The following ENTREP1 variants were observed in gnomAD, a reference collection of about 807,000 sequenced individuals.
The protein encoded by ENTREP1 is Friedreich ataxia region gene X123.
At chr9:69,349,099 G>A in the ENTREP1 span, among the ~76,000 whole-genome samples, 83 of 150,670 alleles carry the variant, frequency 5.5e-4, 5 homozygotes, top group South Asian at 0.016. Flanking sequence ...CAGGGGAATC[G>A]CTTGAACCCA....
the ENTREP1 span, chr9:69,388,250 G>A: frequency 6.2e-7 from 1 of 1,614,186 alleles, no homozygotes; most frequent in South Asian, 1.1e-5. Flanking sequence ...GAGATCTAGA[G>A]CTTCGCGATG....
the ENTREP1 span, chr9:69,383,758 A>C: frequency 6.2e-7 from 1 of 1,614,182 alleles, no homozygotes; most frequent in Non-Finnish European, 8.5e-7. Context: ...GACCAGGAGC[A>C]GGTACTGTCT....
chr9:69,340,437 G>T, the ENTREP1 span, among the ~76,000 whole-genome samples: 1 of 152,108 alleles, frequency 6.6e-6, no homozygotes, highest in Admixed American at 6.6e-5. Context: ...AAGTTTTCAC[G>T]GAAATTCAGG....
the ENTREP1 span, among the ~76,000 whole-genome samples, chr9:69,370,112 T>G: frequency 7.2e-5 from 11 of 152,308 alleles, no homozygotes; most frequent in East Asian, 2.1e-3. Context: ...CATTTTATAG[T>G]TGATAATGTT....
the ENTREP1 span, among the ~76,000 whole-genome samples, chr9:69,356,348 A>G: frequency 1.3e-5 from 2 of 152,324 alleles, no homozygotes; most frequent in Admixed American, 6.5e-5. Flanking sequence ...ATGAGATTCC[A>G]TGGTATGTAC....
chr9:69,339,853 C>G, the ENTREP1 span, among the ~76,000 whole-genome samples: 1 of 152,232 alleles, frequency 6.6e-6, no homozygotes, highest in African/African-American at 2.4e-5. Flanking sequence ...CCTGACCACT[C>G]TGATTGCTGT....
chr9:69,357,966 C>G, the ENTREP1 span, among the ~76,000 whole-genome samples: 1 of 152,150 alleles, frequency 6.6e-6, no homozygotes, highest in African/African-American at 2.4e-5. Context: ...GTTACGTTAA[C>G]TGTCACGGGT....
the ENTREP1 span, among the ~76,000 whole-genome samples, chr9:69,342,825 A>C: frequency 6.6e-6 from 1 of 152,258 alleles, no homozygotes. Flanking sequence ...GGCTGGGTTC[A>C]GGCTTCTCTG....
chr9:69,356,668 C>A, the ENTREP1 span, among the ~76,000 whole-genome samples: 3 of 152,208 alleles, frequency 2.0e-5, no homozygotes, highest in South Asian at 6.2e-4. Context: ...TTACAACGAA[C>A]TTTCTGCTGC....
chr9:69,377,670 T>C, the ENTREP1 span: 5 of 1,614,148 alleles, frequency 3.1e-6, no homozygotes, highest in Non-Finnish European at 4.2e-6. Flanking sequence ...CCGACCCTGA[T>C]GATTTTGTGC....
chr9:69,333,312 A>AT, the ENTREP1 span, among the ~76,000 whole-genome samples: 3 of 151,320 alleles, frequency 2.0e-5, no homozygotes, highest in Non-Finnish European at 2.9e-5. Flanking sequence ...TTTTAATAAT[A>AT]TTATTATTTT....
At chr9:69,354,254 ATTTT>A in the ENTREP1 span, among the ~76,000 whole-genome samples, 218 of 105,636 alleles carry the variant, frequency 2.1e-3, 1 homozygote, top group African/African-American at 8.0e-3. Flanking sequence ...CTATTGCAAC[ATTTT>A]TTTTTTTTTT....
the ENTREP1 span, among the ~76,000 whole-genome samples, chr9:69,374,562 T>A: frequency 2.6e-3 from 395 of 152,296 alleles, 3 homozygotes; most frequent in Admixed American, 5.5e-3. Context: ...TTTAAAGTTG[T>A]GCCAGTCTGA....
the ENTREP1 span, chr9:69,371,641 A>C: frequency 7.2e-7 from 1 of 1,393,104 alleles, no homozygotes; most frequent in Non-Finnish European, 1.0e-6. Context: ...CTGTGCATCT[A>C]GGCAGACCCT....
the ENTREP1 span, among the ~76,000 whole-genome samples, chr9:69,361,349 T>C: frequency 6.6e-6 from 1 of 152,296 alleles, no homozygotes; most frequent in East Asian, 1.9e-4. Context: ...GTTATTTTTA[T>C]GTGTTCTAGA....
chr9:69,388,046 A>G, the ENTREP1 span: 2 of 1,594,304 alleles, frequency 1.3e-6, no homozygotes, highest in Middle Eastern at 1.7e-4. Flanking sequence ...CATGGCTATC[A>G]GCATTTGTCA....
the ENTREP1 span, chr9:69,391,516 AG>A: frequency 9.2e-7 from 1 of 1,089,994 alleles, no homozygotes; most frequent in South Asian, 1.3e-5. Flanking sequence ...ACATTAAGAT[AG>A]GTGGATGGAC....
the ENTREP1 span, among the ~76,000 whole-genome samples, chr9:69,336,687 T>C: frequency 3.3e-5 from 5 of 152,120 alleles, no homozygotes; most frequent in African/African-American, 9.7e-5. Flanking sequence ...TCTCATATTC[T>C]TTTTTCTCTA....
the ENTREP1 span, among the ~76,000 whole-genome samples, chr9:69,389,462 G>GGAAT: frequency 6.6e-6 from 1 of 152,190 alleles, no homozygotes; most frequent in Non-Finnish European, 1.5e-5. Flanking sequence ...TCAGCGGGGA[G>GGAAT]GAATGATCTG....
Sources: allele counts gnomAD v4.1 joint callset (sites outside exome capture counted in the v4.1 genomes callset), GRCh38; gene constraint gnomAD v4.1.1; transcripts MANE v1.5; gene names NCBI Gene and HGNC (gene_info 2026-07-23, HGNC 2026-07-21).